The following PARN variants were observed in gnomAD, a reference collection of about 807,000 sequenced individuals.
The protein encoded by PARN is poly(A)-specific ribonuclease PARN.
PARN carries 71 observed loss-of-function variants against 102.8 expected under a neutral mutation model. The observed-to-expected ratio is 0.69, with a 90% CI of 0.57 to 0.84. The LOEUF (loss-of-function observed/expected upper bound fraction) is 0.84. PARN is among the 40% of genes least tolerant of loss of function. The pLI is 0.00. For synonymous variants in PARN, 261 were observed against 252.9 expected (o/e 1.03, Z -0.30); for missense variants, 782 against 760.9 (o/e 1.03, Z -0.33).
At chr16:14,555,179 A>G (rs539705132) in intron 19 of PARN, among the ~76,000 whole-genome samples, 4 of 152,292 alleles carry the variant, frequency 2.6e-5, no homozygotes, top group Middle Eastern at 3.4e-3. Context: ...GAAATAGCAG[A>G]AAAAAAGCAG....
At chr16:14,469,708 CAA>C (rs113317045) in intron 22 of PARN, among the ~76,000 whole-genome samples, 182 of 135,296 alleles carry the variant, frequency 1.3e-3, no homozygotes, top group Middle Eastern at 3.7e-3. Context: ...CATAAAGTGT[CAA>C]AAAAAAAAAA....
At chr16:14,607,537 A>G (rs1971269482) in intron 9 of PARN, among the ~76,000 whole-genome samples, 1 of 152,080 alleles carries the variant, frequency 6.6e-6, no homozygotes, top group Admixed American at 6.6e-5. Context: ...CAGGGCATAT[A>G]AAGAGGAGGT....
At chr16:14,538,889 G>A (rs1014959359) in intron 21 of PARN, among the ~76,000 whole-genome samples, 8 of 152,062 alleles carry the variant, frequency 5.3e-5, no homozygotes, top group Non-Finnish European at 1.2e-4. Context: ...GTAAGAACAT[G>A]AGCCCTATTG....
chr16:14,544,289 G>A (rs1966861224), intron 21 of PARN, among the ~76,000 whole-genome samples: 1 of 152,170 alleles, frequency 6.6e-6, no homozygotes, highest in African/African-American at 2.4e-5. Context: ...GAAAAGACCA[G>A]TTTGGCTGGG....
At chr16:14,522,672 C>T (rs1965796346) in intron 21 of PARN, among the ~76,000 whole-genome samples, 1 of 152,170 alleles carries the variant, frequency 6.6e-6, no homozygotes, top group African/African-American at 2.4e-5. Context: ...GGCCTCAGAC[C>T]TGTGTGGCAC....
chr16:14,628,965 C>G (rs1052203378), intron 2 of PARN, among the ~76,000 whole-genome samples: 5 of 152,162 alleles, frequency 3.3e-5, no homozygotes, highest in Non-Finnish European at 5.9e-5. Flanking sequence ...TTGAGGCAGG[C>G]AATGAACACG....
intron 21 of PARN, among the ~76,000 whole-genome samples, chr16:14,546,597 T>C (rs1966959085): frequency 6.6e-6 from 1 of 152,232 alleles, no homozygotes; most frequent in Admixed American, 6.5e-5. Flanking sequence ...AAAAGCTCTT[T>C]TTCTAAAGCC....
At chr16:14,445,876 T>C (rs528050637) in intron 23 of PARN, among the ~76,000 whole-genome samples, 66 of 152,332 alleles carry the variant, frequency 4.3e-4, no homozygotes, top group African/African-American at 1.5e-3. Context: ...ACCAGCTTTC[T>C]TGTAGGACAG....
At position 14,608,330 on chromosome 16, in the gene PARN, A is replaced by T; in HGVS notation, c.621-11T>A. The T allele has an allele frequency of 6.6e-7, 1 of 1,510,824 alleles. No homozygotes were observed. The highest frequency in any genetic ancestry group is 9.0e-7 in the Non-Finnish European group (1 of 1,113,332). The allele number at this position is 1,510,824 out of a possible 1,614,324, so 93.6% of individuals were successfully genotyped here. A position where few individuals can be genotyped will look rare whatever the true frequency, so the allele number is the denominator to read the frequency against. On this transcript the variant is annotated splice_polypyrimidine_tract_variant and intron_variant, in intron 8 of 23. Transcript: ENST00000437198. ...AGTTTTCTTTGGAACCTATAAAAAC[A>T]AAAGAAAAGGTATTGATTTTGGCTC...
Position 14,551,992 on chromosome 16 carries a change from T to C in PARN, c.1480+29A>G, listed in dbSNP as rs79422989. ...GAGGGCAACCTCTCACTGTATTTAA[T>C]ACACAAAACAGAAATCCAAAACACT... On this transcript the variant is annotated intron_variant, in intron 21 of 23. Transcript: ENST00000437198. 2,870 of 1,527,994 alleles carry C rather than the reference T, an allele frequency of 1.9e-3. 55 individuals carry two copies. The East Asian group carries it at 0.051, about 27-fold the overall frequency. 94.7% of individuals were successfully genotyped at this position (1,527,994 alleles called of 1,614,324 possible). A position where few individuals can be genotyped will look rare whatever the true frequency, so the allele number is the denominator to read the frequency against.
At chr16:14,532,590 T>C (rs1304693414) in intron 21 of PARN, among the ~76,000 whole-genome samples, 3 of 151,984 alleles carry the variant, frequency 2.0e-5, no homozygotes, top group African/African-American at 4.8e-5. Flanking sequence ...ACGGCAACCA[T>C]CCGATTTCTC....
Position 14,627,260 on chromosome 16 carries a change from A to G in PARN, c.245+9T>C. On this transcript the variant is annotated intron_variant, in intron 4 of 23. Coordinates refer to ENST00000437198, the MANE Select transcript of PARN (RefSeq NM_002582.4). ...AACGGAATTCCCAACGTTTGTTAAC[A>G]CAACCTACTTTGAATCTGTGTAGTC... is the stretch of plus-strand genomic sequence containing the variant. 1 of 1,592,004 alleles carries G rather than the reference A, an allele frequency of 6.3e-7. No individual in the cohort carries two copies. Among genetic ancestry groups the G allele is most frequent in the South Asian group, 1.1e-5 (1 of 87,884 alleles).
At chr16:14,597,969 G>A (rs1970628397) in intron 12 of PARN, among the ~76,000 whole-genome samples, 1 of 151,740 alleles carries the variant, frequency 6.6e-6, no homozygotes. Flanking sequence ...CATGGTGAAA[G>A]CCCGTCTCAA....
intron 6 of PARN, among the ~76,000 whole-genome samples, chr16:14,614,487 G>C (rs888435785): frequency 2.0e-5 from 3 of 152,192 alleles, no homozygotes; most frequent in East Asian, 3.9e-4. Flanking sequence ...GATGCACGCT[G>C]TGCCTACAGG....
chr16:14,469,854 C>T (rs995902711), intron 22 of PARN, among the ~76,000 whole-genome samples: 4 of 152,144 alleles, frequency 2.6e-5, no homozygotes, highest in African/African-American at 9.7e-5. Flanking sequence ...ATGATATGGG[C>T]AACTCAAACA....
At chr16:14,576,497 G>A (rs1031681228) in intron 18 of PARN, among the ~76,000 whole-genome samples, 1 of 152,148 alleles carries the variant, frequency 6.6e-6, no homozygotes, top group African/African-American at 2.4e-5. Flanking sequence ...AAAACATAAG[G>A]CAAACGTCTG....
chr16:14,472,482 T>G (rs2151585612), intron 22 of PARN, among the ~76,000 whole-genome samples: 1 of 152,322 alleles, frequency 6.6e-6, no homozygotes, highest in Non-Finnish European at 1.5e-5. Context: ...TAAAGGTCTC[T>G]ACCACTTTTC....
intron 18 of PARN, among the ~76,000 whole-genome samples, chr16:14,578,936 G>T (rs1299441539): frequency 6.6e-6 from 1 of 151,786 alleles, no homozygotes; most frequent in Non-Finnish European, 1.5e-5. Flanking sequence ...GTCCTGCACA[G>T]TATTAGCAAT....
chr16:14,473,133 A>C (rs1054698330), intron 22 of PARN, among the ~76,000 whole-genome samples: 2 of 152,212 alleles, frequency 1.3e-5, no homozygotes, highest in Non-Finnish European at 2.9e-5. Flanking sequence ...GTAAGTCAAG[A>C]AATGGAGGTA....
Sources: allele counts gnomAD v4.1 joint callset (sites outside exome capture counted in the v4.1 genomes callset), GRCh38; gene constraint gnomAD v4.1.1; transcripts MANE v1.5; gene names NCBI Gene and HGNC (gene_info 2026-07-23, HGNC 2026-07-21).